Variants in CDH4 observed in about 807,000 individuals in gnomAD.
The protein encoded by CDH4 is cadherin-4.
CDH4 carries 33 observed loss-of-function variants against 86.0 expected under a neutral mutation model. The ratio of observed to expected loss-of-function variants is 0.38; its 90% confidence interval spans 0.29 to 0.51. CDH4 has a LOEUF of 0.51. Among genes scored for constraint, CDH4 ranks in the 20% least tolerant of loss-of-function variants. CDH4 has a pLI of 0.86. For missense variants in CDH4, 1,114 were observed against 1,307.4 expected, an observed-to-expected ratio of 0.85 and a Z score of 2.28; for synonymous variants, 555 against 549.4, an observed-to-expected ratio of 1.01 and a Z score of -0.14.
intron 2 of CDH4, among the ~76,000 whole-genome samples, chr20:61,378,266 A>G (rs1296733905): frequency 6.6e-6 from 1 of 152,202 alleles, no homozygotes; most frequent in Non-Finnish European, 1.5e-5. Context: ...AAAGAAAAAA[A>G]AATTTATTGG....
chr20:61,852,028 C>A (rs139533338), intron 5 of CDH4, among the ~76,000 whole-genome samples: 4 of 152,234 alleles, frequency 2.6e-5, no homozygotes, highest in Non-Finnish European at 5.9e-5. Context: ...TCCTGCGGAA[C>A]CTTCCAGCCC....
chr20:61,741,478 C>G (rs778173523), intron 2 of CDH4, among the ~76,000 whole-genome samples: 1 of 151,000 alleles, frequency 6.6e-6, no homozygotes, highest in Middle Eastern at 3.4e-3. Flanking sequence ...TAAGATGTCA[C>G]CAAAGCTGTG....
intron 8 of CDH4, among the ~76,000 whole-genome samples, chr20:61,909,050 T>C (rs577118360): frequency 2.0e-5 from 3 of 152,272 alleles, no homozygotes; most frequent in Non-Finnish European, 4.4e-5. Flanking sequence ...CCAAATACAG[T>C]CACACTCTGA....
At chr20:61,613,837 G>A (rs1223799296) in intron 2 of CDH4, among the ~76,000 whole-genome samples, 1 of 151,160 alleles carries the variant, frequency 6.6e-6, no homozygotes, top group Admixed American at 6.6e-5. Context: ...CCAACATCCT[G>A]AAGCTCAAAT....
chr20:61,516,382 G>A lies in CDH4; in HGVS notation c.170-227181G>A, dbSNP rs1197672503. On this transcript the variant is annotated intron_variant, in intron 2 of 15. Transcript: ENST00000614565. The surrounding 1 kb of genome is among the most constrained non-coding windows in gnomAD (Gnocchi z 4.0). ...TCTGTCACACACATACAGAGCCCCC[G>A]TCGGACGCTGCATGAGCTCATGTGC... Among the ~76,000 whole-genome samples, 7 of 152,136 alleles carry A rather than the reference G, an allele frequency of 4.6e-5. No homozygotes were observed. The highest frequency in any genetic ancestry group is 3.9e-4 in the East Asian group (2 of 5,182).
At chr20:61,345,404 A>G (rs772179515) in intron 2 of CDH4, among the ~76,000 whole-genome samples, 2 of 152,268 alleles carry the variant, frequency 1.3e-5, no homozygotes, top group African/African-American at 2.4e-5. Context: ...CTTGTAATTA[A>G]TTCGCCATGT....
chr20:61,931,060 G>A (rs185942985), intron 13 of CDH4, among the ~76,000 whole-genome samples: 21 of 152,336 alleles, frequency 1.4e-4, no homozygotes, highest in Middle Eastern at 3.4e-3. Flanking sequence ...CTGCCCAGTC[G>A]TGGGCACCTC....
chr20:61,411,576 G>T (rs2085119859), intron 2 of CDH4, among the ~76,000 whole-genome samples: 1 of 151,982 alleles, frequency 6.6e-6, no homozygotes, highest in Admixed American at 6.6e-5. Flanking sequence ...GTCTGCTTCA[G>T]GGATGCCACC....
intron 2 of CDH4, among the ~76,000 whole-genome samples, chr20:61,447,966 C>T (rs1242144825): frequency 6.6e-6 from 1 of 152,178 alleles, no homozygotes; most frequent in Non-Finnish European, 1.5e-5. Flanking sequence ...GAAGCATGAA[C>T]TTACTTTTTG....
chr20:61,389,295 A>G (rs1236378847), intron 2 of CDH4, among the ~76,000 whole-genome samples: 1 of 152,016 alleles, frequency 6.6e-6, no homozygotes, highest in African/African-American at 2.4e-5. Flanking sequence ...CCTGTCTCAG[A>G]TGTTCTTTAT....
rs911567738 is a variant in CDH4 at position 61,663,520 on chromosome 20, G to A, written c.170-80043G>A. Reference sequence around the variant, plus strand: ...GCTGGGGATGCCGCCGAGTGGGTCAGAGGGGCCGGAGGAAGGTGAACAGGG... The same window carrying A: ...GCTGGGGATGCCGCCGAGTGGGTCAAAGGGGCCGGAGGAAGGTGAACAGGG... On this transcript the variant is annotated intron_variant, in intron 2 of 15. Transcript: ENST00000614565. This position sits in a 1 kb window ranked among gnomAD's most constrained non-coding sequence, Gnocchi z 5.0. Among the ~76,000 whole-genome samples, 16 of 152,198 alleles carry A rather than the reference G, an allele frequency of 1.1e-4. No individual in the cohort carries two copies. The highest frequency in any genetic ancestry group is 3.9e-4 in the African/African-American group (16 of 41,446).
intron 2 of CDH4, among the ~76,000 whole-genome samples, chr20:61,405,610 T>C (rs1245822846): frequency 2.0e-5 from 3 of 151,984 alleles, no homozygotes; most frequent in African/African-American, 7.3e-5. Flanking sequence ...AACCCAAGGG[T>C]CTCAACTCCT....
At chr20:61,352,914 C>T (rs950586991) in intron 2 of CDH4, among the ~76,000 whole-genome samples, 17 of 152,152 alleles carry the variant, frequency 1.1e-4, no homozygotes, top group African/African-American at 3.4e-4. Flanking sequence ...ATCCTTGCGG[C>T]GCACAGGAGG....
At chr20:61,372,651 TCGGTTACC>T in intron 2 of CDH4, among the ~76,000 whole-genome samples, 1 of 152,218 alleles carries the variant, frequency 6.6e-6, no homozygotes, top group Non-Finnish European at 1.5e-5. Flanking sequence ...GCTCCAGTTC[TCGGTTACC>T]CTGACGTCCC....
intron 2 of CDH4, among the ~76,000 whole-genome samples, chr20:61,274,840 G>A (rs1364220033): frequency 2.1e-5 from 3 of 142,960 alleles, no homozygotes; most frequent in Non-Finnish European, 4.6e-5. Flanking sequence ...ACCATGGGCA[G>A]TTTGGGGGAT....
intron 2 of CDH4, among the ~76,000 whole-genome samples, chr20:61,618,642 C>T (rs769121685): frequency 2.0e-5 from 3 of 152,184 alleles, no homozygotes; most frequent in Non-Finnish European, 2.9e-5. Context: ...TGGAGCAATT[C>T]AGCGGTGCTG....
At chr20:61,665,347 C>T (rs570592691) in intron 2 of CDH4, among the ~76,000 whole-genome samples, 25 of 152,362 alleles carry the variant, frequency 1.6e-4, no homozygotes, top group Admixed American at 1.3e-3. Flanking sequence ...AATGCTCACT[C>T]GTGAAATGGC....
intron 2 of CDH4, among the ~76,000 whole-genome samples, chr20:61,581,428 CT>C (rs1172151307): frequency 6.6e-6 from 1 of 152,124 alleles, no homozygotes; most frequent in Non-Finnish European, 1.5e-5. Context: ...CCTTTTCCAG[CT>C]TCTGGAGACG....
At chr20:61,789,989 A>C (rs898748848) in intron 4 of CDH4, among the ~76,000 whole-genome samples, 6 of 152,346 alleles carry the variant, frequency 3.9e-5, no homozygotes, top group Non-Finnish European at 8.8e-5. Flanking sequence ...GAAATTGGTC[A>C]ATAAAGTATG....
Sources: allele counts gnomAD v4.1 joint callset (sites outside exome capture counted in the v4.1 genomes callset), GRCh38; gene constraint gnomAD v4.1.1; non-coding constraint Gnocchi (gnomAD v3.1); transcripts MANE v1.5; gene names NCBI Gene and HGNC (gene_info 2026-07-23, HGNC 2026-07-21).